Variants in TASP1 observed in about 807,000 individuals in gnomAD.
TASP1 encodes the protein threonine aspartase 1.
Under a neutral mutation model 56.6 loss-of-function variants are expected in TASP1, and 16 were observed. That is an observed-to-expected ratio of 0.28 (90% CI 0.19 to 0.43). The LOEUF is 0.43. TASP1 is among the 20% of genes least tolerant of loss of function. TASP1 has a pLI of 1.00. For missense variants in TASP1, 393 were observed against 511.6 expected, an observed-to-expected ratio of 0.77 and a Z score of 2.24; for synonymous variants, 179 against 184.2, an observed-to-expected ratio of 0.97 and a Z score of 0.23.
chr20:13,328,824 G>A, the TASP1 span, among the ~76,000 whole-genome samples: 1 of 150,258 alleles, frequency 6.7e-6, no homozygotes, highest in East Asian at 2.0e-4. Context: ...GGGAGGGAGA[G>A]CATCAGGAAG....
chr20:13,276,859 T>C, the TASP1 span, among the ~76,000 whole-genome samples: 1 of 152,366 alleles, frequency 6.6e-6, no homozygotes, highest in East Asian at 1.9e-4. Flanking sequence ...TGGATGCCTA[T>C]GAAACCTCAG....
chr20:13,299,985 T>C, the TASP1 span: 2 of 152,592 alleles, frequency 1.3e-5, no homozygotes, highest in South Asian at 4.1e-4. The surrounding 1 kb of genome is among the most constrained non-coding windows in gnomAD (Gnocchi z 5.8). Flanking sequence ...AATTTATTTC[T>C]TTAAAAATAA....
chr20:13,491,638 T>A (rs1327391840), intron 10 of TASP1, among the ~76,000 whole-genome samples: 2 of 152,188 alleles, frequency 1.3e-5, no homozygotes, highest in Non-Finnish European at 2.9e-5. Flanking sequence ...AATCATATTG[T>A]CAAATTAAGT....
the TASP1 span, among the ~76,000 whole-genome samples, chr20:13,218,948 A>G: frequency 6.6e-6 from 1 of 152,278 alleles, no homozygotes; most frequent in African/African-American, 2.4e-5. Flanking sequence ...ACAACATTTT[A>G]CAAAGACTTT....
chr20:13,453,328 A>G (rs944532524), intron 11 of TASP1, among the ~76,000 whole-genome samples: 1 of 152,096 alleles, frequency 6.6e-6, no homozygotes, highest in Non-Finnish European at 1.5e-5. Context: ...AAAAGACAGC[A>G]ACTGGTGGCC....
the TASP1 span, among the ~76,000 whole-genome samples, chr20:13,230,714 A>T: frequency 1.3e-5 from 2 of 151,884 alleles, no homozygotes; most frequent in African/African-American, 4.8e-5. Flanking sequence ...ATATGTAGTG[A>T]GTTCAAACAA....
At chr20:13,164,895 G>T in the TASP1 span, 2 of 1,575,326 alleles carry the variant, frequency 1.3e-6, no homozygotes, top group Non-Finnish European at 1.7e-6. Flanking sequence ...GACACATAAA[G>T]ACTTTGCGAG....
At chr20:13,365,435 T>C in the TASP1 span, among the ~76,000 whole-genome samples, 36 of 152,216 alleles carry the variant, frequency 2.4e-4, 1 homozygote, top group Admixed American at 1.8e-3. Context: ...TAAAACAGGA[T>C]AACAAAATAG....
the TASP1 span, among the ~76,000 whole-genome samples, chr20:13,187,485 C>T: frequency 6.6e-6 from 1 of 151,772 alleles, no homozygotes; most frequent in South Asian, 2.1e-4. Flanking sequence ...CGCAGTGGCT[C>T]ACTTCCATAA....
chr20:13,562,154 A>G (rs2046364169), intron 7 of TASP1, among the ~76,000 whole-genome samples: 1 of 152,220 alleles, frequency 6.6e-6, no homozygotes, highest in South Asian at 2.1e-4. Context: ...TGGAAAATGC[A>G]CAAATTGTGA....
At chr20:13,384,979 G>A (rs140078009), downstream of TASP1, among the ~76,000 whole-genome samples, 663 of 152,328 alleles carry the variant, frequency 4.4e-3, 6 homozygotes, top group African/African-American at 0.015. Flanking sequence ...AGTGTTGAGC[G>A]TTTATAGGAT....
intron 3 of TASP1, among the ~76,000 whole-genome samples, chr20:13,623,832 G>A (rs1049308434): frequency 1.3e-5 from 2 of 152,106 alleles, no homozygotes; most frequent in Non-Finnish European, 2.9e-5. Context: ...GACCCAGTTT[G>A]GTTCAAATAT....
chr20:13,506,067 T>G (rs933721733), intron 10 of TASP1, among the ~76,000 whole-genome samples: 1 of 151,916 alleles, frequency 6.6e-6, no homozygotes, highest in African/African-American at 2.4e-5. Flanking sequence ...AAAGACACAT[T>G]ACAACTGATA....
the TASP1 span, among the ~76,000 whole-genome samples, chr20:13,192,202 G>A: frequency 2.0e-5 from 3 of 152,156 alleles, no homozygotes; most frequent in African/African-American, 7.2e-5. Flanking sequence ...AAAAGTTTTC[G>A]AGGCAGAAGG....
chr20:13,220,419 G>C, the TASP1 span, among the ~76,000 whole-genome samples: 1 of 152,254 alleles, frequency 6.6e-6, no homozygotes, highest in Non-Finnish European at 1.5e-5. Context: ...CGAGGCTGCA[G>C]CGCGGTCATG....
chr20:13,522,092 G>A (rs1182319753), intron 10 of TASP1, among the ~76,000 whole-genome samples: 1 of 152,148 alleles, frequency 6.6e-6, no homozygotes, highest in African/African-American at 2.4e-5. Flanking sequence ...GTACTGCAAA[G>A]GAGCCACCGT....
At chr20:13,483,197 AAG>A in intron 11 of TASP1, 28 bp downstream of exon 11, 1 of 1,463,104 alleles carries the variant, frequency 6.8e-7, no homozygotes, top group Non-Finnish European at 9.3e-7. Context: ...CCATATTTAG[AAG>A]ATGTAATCTT....
At chr20:13,419,992 T>C (rs2042382023) in intron 12 of TASP1, among the ~76,000 whole-genome samples, 1 of 152,202 alleles carries the variant, frequency 6.6e-6, no homozygotes, top group African/African-American at 2.4e-5. Context: ...GGAAAGGCAC[T>C]CAAGTCTTAC....
chr20:13,507,067 C>T (rs192262625), intron 10 of TASP1, among the ~76,000 whole-genome samples: 140 of 152,174 alleles, frequency 9.2e-4, no homozygotes, highest in Middle Eastern at 3.4e-3. Flanking sequence ...AAATTCAGTA[C>T]AGTTGCAGGA....
Sources: allele counts gnomAD v4.1 joint callset (sites outside exome capture counted in the v4.1 genomes callset), GRCh38; gene constraint gnomAD v4.1.1; non-coding constraint Gnocchi (gnomAD v3.1); transcripts MANE v1.5; gene names NCBI Gene and HGNC (gene_info 2026-07-23, HGNC 2026-07-21).